SLC17A8: variants seen among roughly 807,000 people sequenced by gnomAD.
The protein encoded by SLC17A8 is solute carrier family 17 member 8, also known as vesicular glutamate transporter 3.
A neutral mutation model predicts 58.0 loss-of-function variants in SLC17A8; 31 were observed. That is an observed-to-expected ratio of 0.53 (90% CI 0.40 to 0.72). SLC17A8 has a LOEUF of 0.72. Among genes scored for constraint, SLC17A8 ranks in the 30% least tolerant of loss-of-function variants. The probability of loss-of-function intolerance (pLI) is 0.00; values close to 1 mark genes in which losing one functional copy is unlikely to be tolerated. For synonymous variants in SLC17A8, 228 were observed against 249.0 expected (o/e 0.92, Z 0.79); for missense variants, 655 against 727.8 (o/e 0.90, Z 1.15).
chr12:100,381,357 A>C (rs1474899723), intron 2 of SLC17A8, among the ~76,000 whole-genome samples: 1 of 152,180 alleles, frequency 6.6e-6, no homozygotes, highest in Non-Finnish European at 1.5e-5. Context: ...CCCTGTCCTC[A>C]TGGAGACAAG....
intron 1 of SLC17A8, among the ~76,000 whole-genome samples, chr12:100,359,907 G>A (rs969451253): frequency 1.2e-4 from 18 of 152,206 alleles, no homozygotes; most frequent in African/African-American, 4.3e-4. Flanking sequence ...AGGAGCTTTT[G>A]GAAGCTAGAA....
chr12:100,412,842 T>C lies in SLC17A8; in HGVS notation c.1259T>C (p.Leu420Pro). 6.2e-7 allele frequency: 1 copy of C among 1,614,164 alleles called. No individual in the cohort carries two copies. Reference protein sequence around the residue: ...SHTKGVAISFLVLAVGFSGFA... With the variant: ...SHTKGVAISFPVLAVGFSGFA... ...ACCAAAGGGGTGGCTATCTCCTTTC[T>C]GGTACTTGCTGTAGGATTTAGTGGC... Residue 420 changes from leucine (L) to proline (P), a missense_variant, in exon 10 of 12, where the codon CTG (leucine) becomes CCG (proline). Transcript: ENST00000323346.
At chr12:100,373,877 C>G in intron 1 of SLC17A8, among the ~76,000 whole-genome samples, 1 of 152,182 alleles carries the variant, frequency 6.6e-6, no homozygotes, top group Admixed American at 6.5e-5. Flanking sequence ...GCATGAGCCA[C>G]TGTGCCTGGC....
At chr12:100,385,287 AGTG>A (rs1412604738) in intron 2 of SLC17A8, among the ~76,000 whole-genome samples, 2 of 126,044 alleles carry the variant, frequency 1.6e-5, no homozygotes, top group African/African-American at 6.3e-5. Flanking sequence ...CCCAGGCTGG[AGTG>A]CGGTGACATG....
intron 5 of SLC17A8, 81 bp downstream of exon 5, chr12:100,396,498 A>C: frequency 2.6e-6 from 3 of 1,140,294 alleles, no homozygotes; most frequent in Non-Finnish European, 3.9e-6. Flanking sequence ...CTGTAATCTC[A>C]GCACTTTAGG....
chr12:100,365,213 G>T (rs931624663), intron 1 of SLC17A8, among the ~76,000 whole-genome samples: 1 of 152,106 alleles, frequency 6.6e-6, no homozygotes, highest in Non-Finnish European at 1.5e-5. Context: ...ATATTCCATG[G>T]TCAGATGCTG....
chr12:100,379,034 G>C (rs987472943), intron 1 of SLC17A8, among the ~76,000 whole-genome samples: 7 of 152,176 alleles, frequency 4.6e-5, no homozygotes, highest in African/African-American at 1.4e-4. Context: ...ACTTAGCCCA[G>C]TACCTGAGAC....
chr12:100,409,411 C>G (rs930633310), intron 9 of SLC17A8, among the ~76,000 whole-genome samples: 1 of 152,118 alleles, frequency 6.6e-6, no homozygotes, highest in Non-Finnish European at 1.5e-5. Context: ...GTCTTGAACT[C>G]CTGACGTCAG....
intron 9 of SLC17A8, among the ~76,000 whole-genome samples, chr12:100,406,115 C>T (rs1466395406): frequency 6.6e-6 from 1 of 152,202 alleles, no homozygotes. Context: ...TGACTTTGCC[C>T]ACTCCCTTTC....
intron 1 of SLC17A8, among the ~76,000 whole-genome samples, chr12:100,362,211 C>T (rs1952489462): frequency 1.3e-5 from 2 of 151,968 alleles, no homozygotes; most frequent in African/African-American, 4.8e-5. Context: ...CAGGGTTCCT[C>T]ATGCCAGGAC....
intron 2 of SLC17A8, among the ~76,000 whole-genome samples, chr12:100,387,578 G>C (rs958180589): frequency 6.6e-6 from 1 of 152,174 alleles, no homozygotes; most frequent in Non-Finnish European, 1.5e-5. Context: ...TGTTGTGATT[G>C]ACAATTAGCA....
chr12:100,386,378 T>G (rs1952674461), intron 2 of SLC17A8, among the ~76,000 whole-genome samples: 1 of 152,202 alleles, frequency 6.6e-6, no homozygotes, highest in South Asian at 2.1e-4. Flanking sequence ...TATGGTTGAC[T>G]CTAAGTACAA....
intron 5 of SLC17A8, 68 bp downstream of exon 5, chr12:100,396,485 C>T (rs1262078674): frequency 6.4e-6 from 8 of 1,255,810 alleles, no homozygotes; most frequent in African/African-American, 1.5e-5. Flanking sequence ...CAGTGGCTCA[C>T]GCCTGTAATC....
chr12:100,396,471 C>T lies in SLC17A8; in HGVS notation c.676+54C>T, dbSNP rs1476140399. ...TATTTATGAATGCTTTTTTTGGGTT[C>T]ATGCAGTGGCTCACGCCTGTAATCT... On this transcript the variant is annotated intron_variant, in intron 5 of 11. Coordinates refer to ENST00000323346, the MANE Select transcript of SLC17A8 (RefSeq NM_139319.3). 2.1e-6 allele frequency: 3 copies of T among 1,414,544 alleles called. No homozygotes were observed. The African/African-American group carries it at 4.2e-5, about 20-fold the overall frequency. 87.6% of individuals were successfully genotyped at this position (1,414,544 alleles called of 1,614,324 possible).
rs186636981 is a variant in SLC17A8 at position 100,406,962 on chromosome 12, T to C, written c.1186+2792T>C. 3.2e-3 allele frequency among the ~76,000 whole-genome samples: 493 copies of C among 152,268 alleles called. 2 individuals are homozygous for C. The highest frequency in any genetic ancestry group is 0.011 in the African/African-American group (473 of 41,552). On this transcript the variant is annotated intron_variant, in intron 9 of 11. Coordinates refer to ENST00000323346, the MANE Select transcript of SLC17A8 (RefSeq NM_139319.3). ...GTGGCTTAGACAAATGAGGTGGCAA[T>C]GGAGATGGAGAGAGGGGGGTCAATT...
At chr12:100,413,969 C>A (rs1467094690) in intron 10 of SLC17A8, among the ~76,000 whole-genome samples, 1 of 151,058 alleles carries the variant, frequency 6.6e-6, no homozygotes, top group Non-Finnish European at 1.5e-5. Flanking sequence ...AAAGCGAGAC[C>A]CCTTCTCAAG....
chr12:100,409,384 C>T (rs1247111517), intron 9 of SLC17A8, among the ~76,000 whole-genome samples: 1 of 152,066 alleles, frequency 6.6e-6, no homozygotes, highest in East Asian at 1.9e-4. Context: ...AGGGGTTTTG[C>T]CATGTTGCCC....
chr12:100,412,606 A>C (rs924646246), intron 9 of SLC17A8, among the ~76,000 whole-genome samples, 164 bp from the exon 10 acceptor site: 17 of 151,620 alleles, frequency 1.1e-4, no homozygotes, highest in Non-Finnish European at 1.5e-4. Flanking sequence ...AAAAAAAAAA[A>C]AAAAACTTAA....
chr12:100,404,873 A>G lies in SLC17A8; in HGVS notation c.1186+703A>G, dbSNP rs373997612. On this transcript the variant is annotated intron_variant, in intron 9 of 11. Coordinates refer to ENST00000323346, the MANE Select transcript of SLC17A8 (RefSeq NM_139319.3). ...ACTTGCTCAAGTAGCAGATCCCTGC[A>G]AGGTATCAGGTAGGCCGGAGCCTAC... is the stretch of plus-strand genomic sequence containing the variant. Among the ~76,000 whole-genome samples, 6 of 152,348 alleles carry G rather than the reference A, an allele frequency of 3.9e-5. No individual in the cohort carries two copies. The East Asian group carries it at 1.2e-3, about 29-fold the overall frequency.
Sources: gnomAD v4.1 joint callset for allele counts (sites outside exome capture counted in the v4.1 genomes callset) on GRCh38, gnomAD v4.1.1 for gene constraint, MANE v1.5 for transcripts, NCBI Gene and HGNC (gene_info 2026-07-23, HGNC 2026-07-21) for gene names.